Variants in LRFN2 observed in about 807,000 individuals in gnomAD.
LRFN2 encodes leucine rich repeat and fibronectin type III domain containing 2.
In LRFN2, 18 loss-of-function variants were observed where a neutral mutation model predicts 37.3. The ratio of observed to expected loss-of-function variants is 0.48; its 90% confidence interval spans 0.33 to 0.72. The LOEUF is 0.72. Ranked by LOEUF, LRFN2 falls within the 30% of genes least tolerant of loss-of-function variation. The pLI, the probability that LRFN2 is intolerant of heterozygous loss-of-function variation, is 0.02. For synonymous variants in LRFN2, 556 were observed against 466.6 expected (o/e 1.19, Z -2.47); for missense variants, 1,006 against 1,060.7 (o/e 0.95, Z 0.72).
intron 1 of LRFN2, among the ~76,000 whole-genome samples, chr6:40,576,250 C>A (rs569243375): frequency 6.6e-6 from 1 of 152,176 alleles, no homozygotes; most frequent in East Asian, 1.9e-4. Flanking sequence ...GCAGCATAAG[C>A]CTAATTCCAT....
At chr6:40,516,663 C>T (rs998129283) in intron 1 of LRFN2, among the ~76,000 whole-genome samples, 2 of 152,178 alleles carry the variant, frequency 1.3e-5, no homozygotes, top group East Asian at 1.9e-4. Flanking sequence ...CCTCCCTGAC[C>T]TCATTCCCGC....
intron 2 of LRFN2, among the ~76,000 whole-genome samples, chr6:40,395,095 C>A (rs546956916): frequency 1.3e-5 from 2 of 152,022 alleles, no homozygotes; most frequent in East Asian, 3.9e-4. Flanking sequence ...GTGGATCCAG[C>A]AAGGACCCTG....
chr6:40,502,284 C>T (rs1051168318), intron 1 of LRFN2: 1 of 152,176 alleles, frequency 6.6e-6, no homozygotes, highest in Non-Finnish European at 1.5e-5. Flanking sequence ...TGCGCCCAGC[C>T]GGCACCCAGA....
intron 1 of LRFN2, among the ~76,000 whole-genome samples, chr6:40,560,292 T>C (rs912969436): frequency 1.3e-5 from 2 of 152,076 alleles, no homozygotes; most frequent in Non-Finnish European, 2.9e-5. Context: ...CACCCACCTT[T>C]TCAGGGATCA....
chr6:40,556,235 G>A (rs915991949), intron 1 of LRFN2, among the ~76,000 whole-genome samples: 4 of 152,186 alleles, frequency 2.6e-5, no homozygotes, highest in African/African-American at 9.7e-5. Context: ...CCTACACCTT[G>A]GCCCAGACTG....
At chr6:40,482,699 C>A (rs531993593) in intron 1 of LRFN2, among the ~76,000 whole-genome samples, 1 of 152,334 alleles carries the variant, frequency 6.6e-6, no homozygotes, top group East Asian at 1.9e-4. Flanking sequence ...CCCACTGCGC[C>A]CTCCTTCTGC....
intron 1 of LRFN2, among the ~76,000 whole-genome samples, chr6:40,577,852 G>C (rs1048831219): frequency 3.4e-5 from 5 of 147,898 alleles, no homozygotes; most frequent in Non-Finnish European, 6.0e-5. Context: ...AAAGATCCAG[G>C]AGGGTCCCTT....
chr6:40,438,949 C>A (rs757259513), intron 1 of LRFN2, among the ~76,000 whole-genome samples: 5 of 152,102 alleles, frequency 3.3e-5, no homozygotes, highest in Non-Finnish European at 5.9e-5. Flanking sequence ...AAGGGAAAAA[C>A]AAAGATGAGG....
At chr6:40,475,333 A>C (rs1401837220) in intron 1 of LRFN2, among the ~76,000 whole-genome samples, 1 of 152,156 alleles carries the variant, frequency 6.6e-6, no homozygotes, top group Admixed American at 6.5e-5. Flanking sequence ...AAAATGGAAA[A>C]GGAGGGACTT....
At chr6:40,452,102 G>A (rs1204869678) in intron 1 of LRFN2, among the ~76,000 whole-genome samples, 1 of 152,134 alleles carries the variant, frequency 6.6e-6, no homozygotes, top group East Asian at 1.9e-4. Flanking sequence ...AAGGCCAGGG[G>A]CACTAGTAGA....
intron 1 of LRFN2, among the ~76,000 whole-genome samples, chr6:40,567,058 A>G (rs1383865734): frequency 6.9e-6 from 1 of 144,378 alleles, no homozygotes; most frequent in South Asian, 2.4e-4. Context: ...ACATCCCCCA[A>G]TTTTAAAGAT....
At chr6:40,418,846 A>G (rs1409799319) in intron 2 of LRFN2, among the ~76,000 whole-genome samples, 2 of 152,242 alleles carry the variant, frequency 1.3e-5, no homozygotes, top group African/African-American at 4.8e-5. Flanking sequence ...GTAAGGGCTC[A>G]GAAACATAGC....
chr6:40,453,719 T>A (rs965651875), intron 1 of LRFN2, among the ~76,000 whole-genome samples: 3 of 152,154 alleles, frequency 2.0e-5, no homozygotes, highest in Non-Finnish European at 4.4e-5. Context: ...TATTTTGAGT[T>A]TTACTCACAT....
intron 1 of LRFN2, among the ~76,000 whole-genome samples, chr6:40,540,654 A>G (rs6909218): frequency 0.46 from 69,426 of 152,060 alleles, 16,143 homozygotes; most frequent in African/African-American, 0.52. Flanking sequence ...AGAAAACACA[A>G]TGGGGTTTTC....
chr6:40,524,992 T>C lies in LRFN2; in HGVS notation c.-19+61949A>G, dbSNP rs78111459. ...TTCTAGTCTTGGCACTGAAGCTACA[T>C]TGCTGTGTGACTTTAGGAGAGTCAC... On this transcript the variant is annotated intron_variant, in intron 1 of 2. Transcript: ENST00000338305. 8.8e-3 allele frequency among the ~76,000 whole-genome samples: 1,333 copies of C among 152,340 alleles called. 17 individuals are homozygous for C. Among genetic ancestry groups the C allele is most frequent in the African/African-American group, 0.029 (1,203 of 41,574 alleles).
chr6:40,531,814 T>C (rs1434845701), intron 1 of LRFN2, among the ~76,000 whole-genome samples: 3 of 152,154 alleles, frequency 2.0e-5, no homozygotes, highest in Non-Finnish European at 4.4e-5. Flanking sequence ...TACAAGCCTG[T>C]ATTGGCCACT....
At chr6:40,460,156 TC>T (rs2113849325) in intron 1 of LRFN2, among the ~76,000 whole-genome samples, 1 of 152,256 alleles carries the variant, frequency 6.6e-6, no homozygotes, top group Non-Finnish European at 1.5e-5. Flanking sequence ...AGGGGCTCCT[TC>T]CGGAGGCTCC....
At chr6:40,581,359 G>A (rs1268294628) in intron 1 of LRFN2, among the ~76,000 whole-genome samples, 8 of 152,164 alleles carry the variant, frequency 5.3e-5, no homozygotes, top group African/African-American at 1.4e-4. Context: ...AACCACAGGC[G>A]AGGACAGGAA....
intron 2 of LRFN2, among the ~76,000 whole-genome samples, chr6:40,409,968 G>A (rs1308752207): frequency 6.6e-6 from 1 of 152,206 alleles, no homozygotes; most frequent in African/African-American, 2.4e-5. Context: ...TCGCTGGGCT[G>A]TGTTTCTGCT....
Sources: allele counts gnomAD v4.1 joint callset (sites outside exome capture counted in the v4.1 genomes callset), GRCh38; gene constraint gnomAD v4.1.1; transcripts MANE v1.5; gene names NCBI Gene and HGNC (gene_info 2026-07-23, HGNC 2026-07-21).